Variants in MTHFD1L observed in about 807,000 individuals in gnomAD.
MTHFD1L encodes the protein methylenetetrahydrofolate dehydrogenase (NADP+ dependent) 1 like, also known as monofunctional C1-tetrahydrofolate synthase, mitochondrial.
In MTHFD1L, 81 loss-of-function variants were observed where a neutral mutation model predicts 119.5. The observed-to-expected ratio is 0.68, with a 90% CI of 0.57 to 0.82. The LOEUF is 0.82. Ranked by LOEUF, MTHFD1L falls within the 40% of genes least tolerant of loss-of-function variation. MTHFD1L has a pLI of 0.00. For synonymous variants in MTHFD1L, 430 were observed against 475.2 expected, an observed-to-expected ratio of 0.90 and a Z score of 1.24; for missense variants, 1,125 against 1,253.4, an observed-to-expected ratio of 0.90 and a Z score of 1.55.
intron 24 of MTHFD1L, among the ~76,000 whole-genome samples, chr6:151,025,225 G>C (rs1243282444): frequency 6.6e-6 from 1 of 152,210 alleles, no homozygotes; most frequent in Non-Finnish European, 1.5e-5. Context: ...CAGGGCCCGC[G>C]AGCCCACAGG....
chr6:150,876,071 GT>G lies in MTHFD1L; in HGVS notation c.228-15del. 6.4e-7 allele frequency: 1 copy of G among 1,556,384 alleles called. No homozygotes were observed. The highest frequency in any genetic ancestry group is 1.7e-4 in the Middle Eastern group (1 of 5,854). On this transcript the variant is annotated intron_variant, in intron 1 of 27. Coordinates refer to ENST00000367321, the MANE Select transcript of MTHFD1L (RefSeq NM_015440.5). ...TCATTAACCAAGAAATCACAATGTT[GT>G]TTTCTTTCTCAATGTAGAGAAGTCA...
At chr6:151,088,733 A>G (rs546478141) in intron 26 of MTHFD1L, among the ~76,000 whole-genome samples, 2 of 151,034 alleles carry the variant, frequency 1.3e-5, no homozygotes, top group South Asian at 4.2e-4. Context: ...CTGGGATTAC[A>G]GGCATGAGCC....
At chr6:150,943,392 G>A (rs7752148) in intron 13 of MTHFD1L, among the ~76,000 whole-genome samples, 30,147 of 152,010 alleles carry the variant, frequency 0.2, 3,179 homozygotes, top group Middle Eastern at 0.3. Flanking sequence ...GCACTTTGCG[G>A]GGCTGAAGCG....
intron 17 of MTHFD1L, among the ~76,000 whole-genome samples, chr6:150,957,611 A>G (rs1795828195): frequency 6.6e-6 from 1 of 152,184 alleles, no homozygotes; most frequent in African/African-American, 2.4e-5. Context: ...AAACAATCCA[A>G]ATGTCCAACA....
At chr6:151,076,174 T>C (rs555346074) in intron 26 of MTHFD1L, among the ~76,000 whole-genome samples, 1 of 152,046 alleles carries the variant, frequency 6.6e-6, no homozygotes, top group African/African-American at 2.4e-5. Flanking sequence ...CTGGACAACA[T>C]AGGGAGGAGA....
intron 12 of MTHFD1L, among the ~76,000 whole-genome samples, chr6:150,937,690 T>A (rs867462114): frequency 1.1e-4 from 17 of 152,176 alleles, no homozygotes; most frequent in South Asian, 4.1e-4. Context: ...CAGCTGTGTT[T>A]CCTACCGCCA....
intron 26 of MTHFD1L, among the ~76,000 whole-genome samples, chr6:151,064,011 A>C (rs1030989441): frequency 3.9e-5 from 6 of 152,288 alleles, no homozygotes; most frequent in Middle Eastern, 6.8e-3. Context: ...TATCTTTGTC[A>C]TGAATCTTTC....
intron 4 of MTHFD1L, 125 bp from the exon 5 acceptor site, chr6:150,882,637 G>C: frequency 1.5e-6 from 1 of 682,316 alleles, no homozygotes; most frequent in Non-Finnish European, 2.2e-6. Context: ...TTCCAACAAG[G>C]AGCAAAACAA....
intron 26 of MTHFD1L, among the ~76,000 whole-genome samples, chr6:151,084,981 AAAAATAT>A (rs1365404961): frequency 8.5e-6 from 1 of 117,954 alleles, no homozygotes; most frequent in African/African-American, 3.5e-5. Context: ...AAAAAAAAAA[AAAAATAT>A]ATATATATAT....
chr6:150,870,962 T>TA (rs1491508701), intron 1 of MTHFD1L, among the ~76,000 whole-genome samples: 3,241 of 118,326 alleles, frequency 0.027, 105 homozygotes, highest in African/African-American at 0.079. Flanking sequence ...TATATATATA[T>TA]TATATATATA....
intron 16 of MTHFD1L, among the ~76,000 whole-genome samples, chr6:150,955,063 T>G (rs995833951): frequency 6.6e-6 from 1 of 152,178 alleles, no homozygotes; most frequent in African/African-American, 2.4e-5. Context: ...TTTCCCCATT[T>G]GTAAGCACAC....
intron 7 of MTHFD1L, among the ~76,000 whole-genome samples, chr6:150,894,946 C>T (rs1401053659): frequency 6.6e-6 from 1 of 152,194 alleles, no homozygotes; most frequent in Admixed American, 6.5e-5. Flanking sequence ...CTTTTCCAGG[C>T]TTGGAGATGC....
At chr6:150,888,654 A>C (rs865804573) in intron 7 of MTHFD1L, among the ~76,000 whole-genome samples, 1 of 152,208 alleles carries the variant, frequency 6.6e-6, no homozygotes, top group Admixed American at 6.6e-5. Flanking sequence ...AGAATTTGAC[A>C]GTCTGATTCT....
chr6:150,905,330 C>T (rs373533370), intron 7 of MTHFD1L, among the ~76,000 whole-genome samples: 2 of 152,142 alleles, frequency 1.3e-5, no homozygotes, highest in South Asian at 2.1e-4. Flanking sequence ...CTATGCCCGG[C>T]TGCCCCATCC....
intron 26 of MTHFD1L, among the ~76,000 whole-genome samples, chr6:151,077,388 A>G (rs530962728): frequency 1.3e-5 from 2 of 152,374 alleles, no homozygotes; most frequent in South Asian, 2.1e-4. Context: ...CACGCCTGTA[A>G]TCCCAGCACT....
intron 20 of MTHFD1L, among the ~76,000 whole-genome samples, 172 bp from the exon 21 acceptor site, chr6:151,009,647 T>C (rs1301423947): frequency 6.6e-6 from 1 of 152,212 alleles, no homozygotes; most frequent in East Asian, 1.9e-4. Flanking sequence ...GCAGTCTCTT[T>C]AGGGCAGAAA....
chr6:150,963,153 T>C (rs922881224), intron 18 of MTHFD1L, among the ~76,000 whole-genome samples: 1 of 152,148 alleles, frequency 6.6e-6, no homozygotes, highest in Non-Finnish European at 1.5e-5. Flanking sequence ...TGACCCCAGG[T>C]GATCCACCCG....
chr6:150,900,312 A>G (rs897566663), intron 7 of MTHFD1L, among the ~76,000 whole-genome samples: 2 of 152,020 alleles, frequency 1.3e-5, no homozygotes, highest in African/African-American at 4.8e-5. Context: ...CCTGAATGAA[A>G]ATGCCCCTTC....
intron 20 of MTHFD1L, among the ~76,000 whole-genome samples, chr6:151,003,202 A>T (rs896230516): frequency 6.6e-6 from 1 of 152,190 alleles, no homozygotes; most frequent in African/African-American, 2.4e-5. Context: ...AACAGAATTC[A>T]AGAAAAACAA....
Sources: gnomAD v4.1 joint callset for allele counts (sites outside exome capture counted in the v4.1 genomes callset) on GRCh38, gnomAD v4.1.1 for gene constraint, MANE v1.5 for transcripts, NCBI Gene and HGNC (gene_info 2026-07-23, HGNC 2026-07-21) for gene names.